Variants in ASIC2 observed in about 807,000 individuals in gnomAD.
The protein encoded by ASIC2 is acid sensing ion channel subunit 2.
Under a neutral mutation model 57.3 loss-of-function variants are expected in ASIC2, and 25 were observed. The observed-to-expected ratio is 0.44, with a 90% CI of 0.32 to 0.61. The LOEUF is 0.61. Among genes scored for constraint, ASIC2 ranks in the 20% least tolerant of loss-of-function variants. The pLI is 0.06. For synonymous variants in ASIC2, 319 were observed against 307.5 expected (o/e 1.04, Z -0.39); for missense variants, 641 against 738.1 (o/e 0.87, Z 1.52).
At chr17:33,348,771 T>C (rs1908050246) in intron 1 of ASIC2, among the ~76,000 whole-genome samples, 1 of 152,020 alleles carries the variant, frequency 6.6e-6, no homozygotes, top group African/African-American at 2.4e-5. Flanking sequence ...TGGTCTCTTC[T>C]CTCCTGAGGT....
rs191706001 is a variant in ASIC2 at position 33,944,527 on chromosome 17, T to C, written c.555+211451A>G. ...AGGAGGTGAGGCCAAGGCAGTCGAG[T>C]AGGGCTGGATGGAGAGGAGAACCTG... On this transcript the variant is annotated intron_variant, in intron 1 of 9. Transcript: ENST00000359872. Among the ~76,000 whole-genome samples, 63 of 152,106 alleles carry C rather than the reference T, an allele frequency of 4.1e-4. 1 individual carries two copies. Among genetic ancestry groups the C allele is most frequent in the African/African-American group, 1.5e-3 (61 of 41,490 alleles).
intron 1 of ASIC2, among the ~76,000 whole-genome samples, chr17:33,716,798 A>G (rs1468494962): frequency 2.6e-5 from 4 of 152,180 alleles, no homozygotes; most frequent in Non-Finnish European, 4.4e-5. Flanking sequence ...CATTGTATGG[A>G]TTCTTCTCCT....
At chr17:33,069,226 TG>T (rs1246822124) in intron 3 of ASIC2, among the ~76,000 whole-genome samples, 1 of 152,236 alleles carries the variant, frequency 6.6e-6, no homozygotes, top group Admixed American at 6.5e-5. Context: ...TCCTTTTGAA[TG>T]TATTGAGGCT....
intron 1 of ASIC2, among the ~76,000 whole-genome samples, chr17:33,611,111 C>T (rs1039030407): frequency 2.0e-5 from 3 of 152,178 alleles, no homozygotes; most frequent in Middle Eastern, 3.2e-3. Flanking sequence ...CTTCTTAGAC[C>T]TCTGCTTTCC....
chr17:34,115,989 G>A (rs903230133), intron 1 of ASIC2, among the ~76,000 whole-genome samples: 2 of 152,198 alleles, frequency 1.3e-5, no homozygotes, highest in Non-Finnish European at 2.9e-5. Context: ...ACCCAGAGAA[G>A]GGCAGGAAGA....
At chr17:33,803,732 A>G (rs1912196894) in intron 1 of ASIC2, among the ~76,000 whole-genome samples, 1 of 152,072 alleles carries the variant, frequency 6.6e-6, no homozygotes, top group Non-Finnish European at 1.5e-5. Flanking sequence ...CAAGCCCCAC[A>G]AGATAAATGT....
Position 34,133,862 on chromosome 17 carries a change from C to T in ASIC2, c.555+22116G>A, listed in dbSNP as rs193134670. ...ATACTGGGTAATGTCTGGAGCTTTGCAGGGTGAGGGGTGTGGGAGGAGCAC... is the reference window on the plus strand; with the variant it reads ...ATACTGGGTAATGTCTGGAGCTTTGTAGGGTGAGGGGTGTGGGAGGAGCAC... On this transcript the variant is annotated intron_variant, in intron 1 of 9. Transcript: ENST00000359872. Among the ~76,000 whole-genome samples the T allele has an allele frequency of 2.4e-3, 371 of 152,256 alleles. 1 individual carries two copies. The highest frequency in any genetic ancestry group is 0.014 in the Middle Eastern group (4 of 294).
intron 1 of ASIC2, chr17:34,005,904 G>A (rs1181322625): frequency 6.6e-6 from 1 of 152,176 alleles, no homozygotes; most frequent in South Asian, 2.1e-4. Flanking sequence ...CTTCATCTGA[G>A]TCATGTTTGC....
Position 33,071,930 on chromosome 17 carries a change from T to C in ASIC2, c.987+16933A>G, listed in dbSNP as rs953385119. ...TGTGTGAGTGCTGCCAGGCACTGTT[T>C]CCTCTCATCTTCTCAAATCATTCTT... On this transcript the variant is annotated intron_variant, in intron 3 of 9. Transcript: ENST00000225823. Among the ~76,000 whole-genome samples the C allele has an allele frequency of 6.6e-5, 10 of 152,348 alleles. No homozygotes were observed. The East Asian group carries it at 1.2e-3, about 18-fold the overall frequency.
intron 1 of ASIC2, among the ~76,000 whole-genome samples, chr17:33,837,399 A>G (rs1295579684): frequency 6.6e-6 from 1 of 152,240 alleles, no homozygotes; most frequent in Non-Finnish European, 1.5e-5. Flanking sequence ...CACAAAATCC[A>G]TAATGGTATA....
intron 1 of ASIC2, among the ~76,000 whole-genome samples, chr17:33,121,460 T>C (rs1419125100): frequency 6.6e-6 from 1 of 152,010 alleles, no homozygotes; most frequent in Non-Finnish European, 1.5e-5. Context: ...TGGAGAAGTG[T>C]TGTGAAATTT....
chr17:33,930,958 G>A (rs1257488344), intron 1 of ASIC2, among the ~76,000 whole-genome samples: 3 of 152,058 alleles, frequency 2.0e-5, no homozygotes, highest in South Asian at 4.2e-4. Flanking sequence ...TCTCTCTGCC[G>A]CCCAGGCTGG....
intron 1 of ASIC2, among the ~76,000 whole-genome samples, chr17:33,684,690 T>C (rs1200518382): frequency 6.6e-6 from 1 of 152,210 alleles, no homozygotes; most frequent in East Asian, 1.9e-4. Flanking sequence ...TTTTAGATTC[T>C]GGCTTTGACA....
In ASIC2 at chr17:33,028,538, T is replaced by C. The variant is rs73273981; in HGVS notation, c.988-146A>G. 2,561 of 1,095,056 alleles carry C rather than the reference T, an allele frequency of 2.3e-3. 54 individuals carry two copies. In the African/African-American group the frequency reaches 0.037, roughly 16 times the overall value. The allele number at this position is 1,095,056 out of a possible 1,614,324, so 67.8% of individuals were successfully genotyped here. ...CAACATCTGGCTCCAATACTAGTTT[T>C]CTTACCTTACTTTAATTTTTTCTTT... On this transcript the variant is annotated intron_variant, in intron 3 of 9. Coordinates refer to ENST00000225823, the MANE Select transcript of ASIC2 (RefSeq NM_183377.2).
intron 1 of ASIC2, among the ~76,000 whole-genome samples, chr17:33,400,340 A>G (rs1910238650): frequency 6.6e-6 from 1 of 152,180 alleles, no homozygotes; most frequent in East Asian, 1.9e-4. Flanking sequence ...AAATTTCAAC[A>G]ATGTGGACTG....
intron 3 of ASIC2, among the ~76,000 whole-genome samples, chr17:33,034,270 G>A (rs1260681562): frequency 6.6e-6 from 1 of 152,106 alleles, no homozygotes; most frequent in Non-Finnish European, 1.5e-5. Flanking sequence ...AGGCACCGTG[G>A]CCACAGAGGT....
chr17:33,738,385 A>C (rs1259225447), intron 1 of ASIC2, among the ~76,000 whole-genome samples: 3 of 152,114 alleles, frequency 2.0e-5, no homozygotes, highest in Non-Finnish European at 2.9e-5. Context: ...ATGCTTCCAA[A>C]AGTCAGCACC....
chr17:33,015,956 G>T lies in ASIC2; in HGVS notation c.1590+15C>A, dbSNP rs1333365124. On this transcript the variant is annotated intron_variant, in intron 9 of 9. Transcript: ENST00000225823. ...AGAGCAGCAGAACAACTTCCAATCA[G>T]TGAGCTGCTCTTACCACATTCTCAT... 1.2e-6 allele frequency: 2 copies of T among 1,613,926 alleles called. No homozygotes were observed. Among genetic ancestry groups the T allele is most frequent in the Non-Finnish European group, 1.7e-6 (2 of 1,179,814 alleles).
intron 1 of ASIC2, among the ~76,000 whole-genome samples, chr17:33,941,759 C>A (rs566454132): frequency 6.6e-6 from 1 of 152,144 alleles, no homozygotes; most frequent in Non-Finnish European, 1.5e-5. Flanking sequence ...GGGAGGGGAT[C>A]CCCTGTGCTT....
Sources: allele counts gnomAD v4.1 joint callset (sites outside exome capture counted in the v4.1 genomes callset), GRCh38; gene constraint gnomAD v4.1.1; transcripts MANE v1.5; gene names NCBI Gene and HGNC (gene_info 2026-07-23, HGNC 2026-07-21).